The following LRMDA variants were observed in gnomAD, a reference collection of about 807,000 sequenced individuals.
LRMDA encodes the protein leucine-rich melanocyte differentiation-associated protein.
In LRMDA, 18 loss-of-function variants were observed where a neutral mutation model predicts 29.8. The observed-to-expected ratio is 0.60, with a 90% CI of 0.42 to 0.90. The LOEUF (loss-of-function observed/expected upper bound fraction) is 0.90, where lower values mean the gene tolerates loss of function less well. Ranked by LOEUF, LRMDA falls within the 40% of genes least tolerant of loss-of-function variation. LRMDA has a pLI of 0.00. For missense variants in LRMDA, 273 were observed against 273.9 expected, an observed-to-expected ratio of 1.00 and a Z score of 0.02; for synonymous variants, 125 against 109.4, an observed-to-expected ratio of 1.14 and a Z score of -0.89.
chr10:76,087,879 T>G (rs1385428890), intron 5 of LRMDA, among the ~76,000 whole-genome samples: 2 of 152,154 alleles, frequency 1.3e-5, no homozygotes. Context: ...ACCAGCACTT[T>G]GGGAGGCTAG....
At chr10:76,289,863 G>A (rs1376925957) in intron 5 of LRMDA, among the ~76,000 whole-genome samples, 1 of 152,110 alleles carries the variant, frequency 6.6e-6, no homozygotes, top group East Asian at 1.9e-4. Flanking sequence ...GACACTTTTT[G>A]GGCAGGATTA....
Position 76,212,096 on chromosome 10 carries a change from G to C in LRMDA, c.517-112305G>C, listed in dbSNP as rs143949382. 1.1e-4 allele frequency among the ~76,000 whole-genome samples: 17 copies of C among 152,184 alleles called. No homozygotes were observed. In the East Asian group the frequency reaches 3.1e-3, roughly 28 times the overall value. Reference sequence around the variant, plus strand: ...ACAGAATCTTATAGATTATCAAAAGGAAACATAGCCCAAGTCCATTAACCT... The same window carrying C: ...ACAGAATCTTATAGATTATCAAAAGCAAACATAGCCCAAGTCCATTAACCT... On this transcript the variant is annotated intron_variant, in intron 5 of 6. Transcript: ENST00000611255.
chr10:75,650,340 A>G (rs141243745), intron 2 of LRMDA, among the ~76,000 whole-genome samples: 1 of 152,170 alleles, frequency 6.6e-6, no homozygotes, highest in African/African-American at 2.4e-5. Flanking sequence ...TGGCATGTGG[A>G]TGTCCAGTTT....
intron 5 of LRMDA, among the ~76,000 whole-genome samples, chr10:76,246,712 AACTGCAATCCC>A (rs1256073498): frequency 3.3e-5 from 5 of 152,174 alleles, no homozygotes; most frequent in African/African-American, 9.7e-5. Flanking sequence ...GAGCTTTGTC[AACTGCAATCCC>A]ACTTTAAAGG....
At chr10:76,299,607 T>C (rs530876939) in intron 5 of LRMDA, among the ~76,000 whole-genome samples, 2 of 148,402 alleles carry the variant, frequency 1.3e-5, no homozygotes, top group African/African-American at 2.5e-5. Context: ...TCCTTTCTTT[T>C]TTTTTTTTTT....
chr10:76,202,184 T>A (rs1329231109), intron 5 of LRMDA, among the ~76,000 whole-genome samples: 1 of 152,182 alleles, frequency 6.6e-6, no homozygotes, highest in Non-Finnish European at 1.5e-5. Flanking sequence ...TAAGAAGGGA[T>A]TGTTTTGGCG....
At chr10:75,541,673 G>A (rs909032388) in intron 2 of LRMDA, among the ~76,000 whole-genome samples, 1 of 152,128 alleles carries the variant, frequency 6.6e-6, no homozygotes, top group South Asian at 2.1e-4. Flanking sequence ...TGCCAGATCC[G>A]ATCTGCTAGG....
intron 4 of LRMDA, among the ~76,000 whole-genome samples, chr10:76,057,208 C>T (rs1009936989): frequency 6.6e-6 from 1 of 152,206 alleles, no homozygotes; most frequent in African/African-American, 2.4e-5. Context: ...GCTCCCATAA[C>T]CACTCTATGC....
intron 2 of LRMDA, among the ~76,000 whole-genome samples, chr10:75,692,563 ACGTGTGTGTG>A (rs1215062988): frequency 2.0e-5 from 2 of 101,188 alleles, no homozygotes; most frequent in African/African-American, 7.6e-5. Flanking sequence ...ACATATGTAT[ACGTGTGTGTG>A]TGTGTGTGTG....
At chr10:76,011,686 G>A (rs188499511) in intron 2 of LRMDA, among the ~76,000 whole-genome samples, 20 of 152,324 alleles carry the variant, frequency 1.3e-4, no homozygotes, top group Admixed American at 6.5e-4. Context: ...TTAGGAAAGG[G>A]ATTCTGTGTG....
chr10:76,213,981 A>G (rs1210996903), intron 5 of LRMDA, among the ~76,000 whole-genome samples: 1 of 152,160 alleles, frequency 6.6e-6, no homozygotes, highest in Non-Finnish European at 1.5e-5. Context: ...GGGACACTGC[A>G]CATCTACCTG....
At chr10:76,462,050 A>C in intron 6 of LRMDA, among the ~76,000 whole-genome samples, 2 of 102,616 alleles carry the variant, frequency 1.9e-5, no homozygotes, top group East Asian at 2.4e-4. Context: ...CACAGAGGGA[A>C]CTCTGTCTCA....
intron 6 of LRMDA, among the ~76,000 whole-genome samples, chr10:76,455,810 G>T (rs181532637): frequency 8.1e-4 from 123 of 152,262 alleles, no homozygotes; most frequent in Non-Finnish European, 1.3e-3. Flanking sequence ...ATCCTACTTA[G>T]TTATGTGGGA....
At chr10:76,069,454 C>A (rs1466778025) in intron 5 of LRMDA, among the ~76,000 whole-genome samples, 6 of 152,152 alleles carry the variant, frequency 3.9e-5, no homozygotes, top group African/African-American at 1.4e-4. Context: ...TTACGTGCAG[C>A]CTTTTCACCA....
Position 75,809,634 on chromosome 10 carries a change from ACT to A in LRMDA, c.132-226371_132-226370del, listed in dbSNP as rs1202155518. 3.3e-5 allele frequency among the ~76,000 whole-genome samples: 5 copies of A among 152,020 alleles called. No individual in the cohort carries two copies. In the East Asian group the frequency reaches 7.8e-4, roughly 24 times the overall value. ...ACTCCAGCCTGGGTGACAGAATGAG[ACT>A]CTGTTTCAAAAACAAAAACAAAAAA... On this transcript the variant is annotated intron_variant, in intron 2 of 6. Transcript: ENST00000611255.
chr10:75,450,251 T>C (rs1354483638), intron 2 of LRMDA: 2 of 151,616 alleles, frequency 1.3e-5, no homozygotes, highest in Non-Finnish European at 2.9e-5. Flanking sequence ...GACACACACA[T>C]GTTCAGGTTT....
At chr10:75,653,902 T>C (rs1841633484) in intron 2 of LRMDA, among the ~76,000 whole-genome samples, 1 of 152,218 alleles carries the variant, frequency 6.6e-6, no homozygotes, top group Non-Finnish European at 1.5e-5. Flanking sequence ...ATACCCTTTT[T>C]CCACGTCTCT....
intron 6 of LRMDA, among the ~76,000 whole-genome samples, chr10:76,525,717 C>G (rs1462693743): frequency 1.3e-5 from 2 of 152,110 alleles, no homozygotes; most frequent in African/African-American, 4.8e-5. Context: ...TAATACAATA[C>G]TTGATCTTAG....
At chr10:76,381,806 T>TGAA in intron 6 of LRMDA, among the ~76,000 whole-genome samples, 2 of 152,346 alleles carry the variant, frequency 1.3e-5, no homozygotes, top group Middle Eastern at 3.4e-3. Context: ...TATTGTCCTG[T>TGAA]GAAGTCTCAT....
Sources: allele counts gnomAD v4.1 joint callset (sites outside exome capture counted in the v4.1 genomes callset), GRCh38; gene constraint gnomAD v4.1.1; transcripts MANE v1.5; gene names NCBI Gene and HGNC (gene_info 2026-07-23, HGNC 2026-07-21).